DDX49: variants seen among roughly 807,000 people sequenced by gnomAD.
DDX49 encodes the protein DEAD-box helicase 49.
DDX49 carries 50 observed loss-of-function variants against 56.3 expected under a neutral mutation model. The observed-to-expected ratio is 0.89, with a 90% CI of 0.71 to 1.12. The LOEUF (loss-of-function observed/expected upper bound fraction) is 1.12. Among genes scored for constraint, DDX49 ranks in the 50% most tolerant of loss-of-function variants. The pLI is 0.00. For missense variants in DDX49, 614 were observed against 650.5 expected (o/e 0.94, Z 0.61); for synonymous variants, 269 against 270.6 (o/e 0.99, Z 0.06).
chr19:18,919,977 A>G (rs2056900702), intron 1 of DDX49, 121 bp downstream of exon 1: 3 of 696,812 alleles, frequency 4.3e-6, no homozygotes, highest in Non-Finnish European at 6.9e-6. Flanking sequence ...GCGTTACAGG[A>G]GATCCGGGGT....
rs753913915 is a variant in DDX49 at position 18,922,707 on chromosome 19, G to A, written c.739G>A (p.Glu247Lys). Residue 247 changes from glutamate (E) to lysine (K), a missense_variant, in exon 6 of 13, where the codon GAG becomes AAG. By Grantham distance (56) the Glu-to-Lys change is moderately conservative. Coordinates refer to ENST00000247003, the MANE Select transcript of DDX49 (RefSeq NM_019070.5). ...HLIQRFQDEH[E>K]DWSIIIFTNT... Reference sequence around the variant, plus strand: ...GATCCAGCGCTTCCAGGATGAGCACGAGGACTGGTCCATTATCATCTTCAC... The same window carrying A: ...GATCCAGCGCTTCCAGGATGAGCACAAGGACTGGTCCATTATCATCTTCAC... 15 of 1,613,820 alleles carry A rather than the reference G, an allele frequency of 9.3e-6. No individual in the cohort carries two copies. The highest frequency in any genetic ancestry group is 1.6e-4 in the Middle Eastern group (1 of 6,084).
chr19:18,928,107 C>T (rs376320799), intron 12 of DDX49, 21 bp from the exon 13 acceptor site: 454 of 1,611,388 alleles, frequency 2.8e-4, no homozygotes, highest in Non-Finnish European at 3.5e-4. Context: ...CTCAGCCATC[C>T]CCTGGTCCTC....
At chr19:18,926,265 C>T (rs1385355553) in intron 9 of DDX49, 38 bp from the exon 10 acceptor site, 12 of 1,552,808 alleles carry the variant, frequency 7.7e-6, no homozygotes, top group African/African-American at 1.4e-5. Context: ...CATGTCCTGA[C>T]GCCCAGCACA....
intron 9 of DDX49, 81 bp from the exon 10 acceptor site, chr19:18,926,219 AGCT>A: frequency 7.2e-7 from 1 of 1,394,840 alleles, no homozygotes; most frequent in Non-Finnish European, 9.9e-7. Flanking sequence ...AGGACCCCTG[AGCT>A]GTGTAGCTGT....
rs565121335 is a variant in DDX49 at position 18,922,005 on chromosome 19, C to T, written c.447+41C>T. 6.3e-6 allele frequency: 10 copies of T among 1,575,866 alleles called. No individual in the cohort carries two copies. In the African/African-American group the frequency reaches 6.8e-5, roughly 11 times the overall value. On this transcript the variant is annotated intron_variant, in intron 4 of 12. Coordinates refer to ENST00000247003, the MANE Select transcript of DDX49 (RefSeq NM_019070.5). ...CCCTGCAGACCTCAGGAGCTGGGCT[C>T]GGAGCCTCCAGGCCCAATGTCAGAG...
intron 7 of DDX49, 82 bp from the exon 8 acceptor site, chr19:18,924,541 C>A: frequency 6.8e-7 from 1 of 1,473,872 alleles, no homozygotes; most frequent in Non-Finnish European, 9.5e-7. Context: ...TGGGGACTGT[C>A]CCGGCCTCCA....
Position 18,924,616 on chromosome 19 carries a change from T to C in DDX49, c.853-7T>C, listed in dbSNP as rs776463656. ...GCATTCCCAATTTTCTTCCCAACCC[T>C]GTGCAGAAAGAACGCTTTGCCGCCC... On this transcript the variant is annotated splice_polypyrimidine_tract_variant and splice_region_variant and intron_variant, in intron 7 of 12. Coordinates refer to ENST00000247003, the MANE Select transcript of DDX49 (RefSeq NM_019070.5). 2.4e-5 allele frequency: 39 copies of C among 1,614,178 alleles called. 1 individual carries two copies. Among genetic ancestry groups the C allele is most frequent in the Non-Finnish European group, 3.3e-5 (39 of 1,180,028 alleles).
intron 8 of DDX49, 86 bp from the exon 9 acceptor site, chr19:18,924,796 G>A: frequency 6.2e-7 from 1 of 1,612,508 alleles, no homozygotes; most frequent in Admixed American, 1.7e-5. Context: ...GGCAGCCCTA[G>A]CATCCCTGCT....
Position 18,926,337 on chromosome 19 carries a change from G to C in DDX49, c.1062G>C (p.Gln354His). The C allele has an allele frequency of 2.0e-6, 3 of 1,493,868 alleles. No homozygotes were observed. Among genetic ancestry groups the C allele is most frequent in the Non-Finnish European group, 2.7e-6 (3 of 1,108,864 alleles). The allele number at this position is 1,493,868 out of a possible 1,614,324, so 92.5% of individuals were successfully genotyped here. ...GTCAGGCCATCACGCTGGTGACACA[G>C]TACGACATCCACCTGGTGCACGCCA... ...RQGQAITLVT[Q>H]YDIHLVHAIE... The change falls in exon 10 of 13, where the codon CAG (glutamine) becomes CAC (histidine). Residue 354 changes from glutamine (Q) to histidine (H), a missense_variant. Physicochemically the swap from Gln to His is conservative, Grantham distance 24. Coordinates refer to ENST00000247003, the MANE Select transcript of DDX49 (RefSeq NM_019070.5).
At chr19:18,927,908 C>T (rs2145110270) in intron 11 of DDX49, 54 bp downstream of exon 11, 2 of 1,613,826 alleles carry the variant, frequency 1.2e-6, no homozygotes, top group African/African-American at 1.3e-5. Flanking sequence ...CGGGGGTGCT[C>T]CCTTCCAGGT....
intron 11 of DDX49, 49 bp from the exon 12 acceptor site, chr19:18,927,916 G>C: frequency 6.2e-7 from 1 of 1,613,960 alleles, no homozygotes. Flanking sequence ...CTCCCTTCCA[G>C]GTGGGGCCCC....
Position 18,926,392 on chromosome 19 carries a change from G to A in DDX49, c.1102+15G>A. 6.5e-7 allele frequency: 1 copy of A among 1,548,662 alleles called. No individual in the cohort carries two copies. The highest frequency in any genetic ancestry group is 8.7e-7 in the Non-Finnish European group (1 of 1,144,448). ...GGAGCAGATCAGTGAGTGGGGTTGG[G>A]GTGGGTGGTAGAGAAGGAGGGGTGG... is the stretch of plus-strand genomic sequence containing the variant. On this transcript the variant is annotated intron_variant, in intron 10 of 12. Coordinates refer to ENST00000247003, the MANE Select transcript of DDX49 (RefSeq NM_019070.5).
At chr19:18,925,447 C>T (rs754685047) in intron 9 of DDX49, among the ~76,000 whole-genome samples, 6 of 151,902 alleles carry the variant, frequency 3.9e-5, no homozygotes, top group Admixed American at 6.6e-5. Context: ...CCCAGCTACT[C>T]GGGAGGCTGA....
intron 6 of DDX49, 135 bp from the exon 7 acceptor site, chr19:18,924,098 G>A (rs563859684): frequency 1.1e-5 from 9 of 829,612 alleles, no homozygotes; most frequent in African/African-American, 3.3e-5. Context: ...ATGAGCCACC[G>A]TGCCTGGCCT....
rs1471498569 is a variant in DDX49 at position 18,921,714 on chromosome 19, A to G, written c.291A>G (p.Leu97=). Residue 97 remains leucine (L), a synonymous_variant, in exon 3 of 13, where the codon CTA becomes CTG. Coordinates refer to ENST00000247003, the MANE Select transcript of DDX49 (RefSeq NM_019070.5). ...AEQFRVLGKP[L]GLKDCIIVGG... ...AGTTCCGGGTCCTGGGGAAGCCTCT[A>G]GGGCTGAAAGACTGCATCATCGTCG... The G allele has an allele frequency of 1.2e-6, 2 of 1,614,108 alleles. No individual in the cohort carries two copies. Among genetic ancestry groups the G allele is most frequent in the African/African-American group, 2.7e-5 (2 of 75,026 alleles).
At chr19:18,922,042 A>G (rs1601249087) in intron 4 of DDX49, 78 bp downstream of exon 4, 7 of 1,525,336 alleles carry the variant, frequency 4.6e-6, no homozygotes, top group Non-Finnish European at 6.2e-6. Context: ...CTGGGGCACC[A>G]TCTCATCCAT....
Position 18,928,197 on chromosome 19 carries a change from G to A in DDX49, c.1333G>A (p.Glu445Lys), listed in dbSNP as rs1042865795. 2.5e-6 allele frequency: 4 copies of A among 1,585,684 alleles called. No individual in the cohort carries two copies. Among genetic ancestry groups the A allele is most frequent in the Non-Finnish European group, 1.7e-6 (2 of 1,166,024 alleles). ...KIKQKNRRFK[E>K]KVEETLKRQK... Reference sequence around the variant, plus strand: ...CAAGCAGAAGAACCGGCGCTTCAAGGAGAAGGTGGAGGAGACGCTGAAGCG... The same window carrying A: ...CAAGCAGAAGAACCGGCGCTTCAAGAAGAAGGTGGAGGAGACGCTGAAGCG... Residue 445 changes from glutamate to lysine, a missense_variant, in exon 13 of 13, where the codon GAG becomes AAG. By Grantham distance (56) the Glu-to-Lys change is moderately conservative (BLOSUM62 1). Coordinates refer to ENST00000247003, the MANE Select transcript of DDX49 (RefSeq NM_019070.5).
At chr19:18,927,624 T>C (rs2056972180) in intron 10 of DDX49, 142 bp from the exon 11 acceptor site, 1 of 668,006 alleles carries the variant, frequency 1.5e-6, no homozygotes, top group African/African-American at 1.8e-5. Flanking sequence ...AAATCCCTGA[T>C]CTTGCTCAGC....
At chr19:18,922,899 A>T (rs1262148945) in intron 6 of DDX49, among the ~76,000 whole-genome samples, 155 bp downstream of exon 6, 1 of 152,146 alleles carries the variant, frequency 6.6e-6, no homozygotes, top group African/African-American at 2.4e-5. Context: ...AGGTCCCTCA[A>T]TCTGAAGGTG....
Sources: allele counts gnomAD v4.1 joint callset (sites outside exome capture counted in the v4.1 genomes callset), GRCh38; gene constraint gnomAD v4.1.1; transcripts MANE v1.5; gene names NCBI Gene and HGNC (gene_info 2026-07-23, HGNC 2026-07-21).